ERC2: variants seen among roughly 807,000 people sequenced by gnomAD.
The protein encoded by ERC2 is ERC protein 2.
A neutral mutation model predicts 114.8 loss-of-function variants in ERC2; 42 were observed. The ratio of observed to expected loss-of-function variants is 0.37; its 90% CI spans 0.29 to 0.47. The LOEUF (loss-of-function observed/expected upper bound fraction) is 0.47. Among genes scored for constraint, ERC2 ranks in the 20% least tolerant of loss-of-function variants. The pLI, the probability that ERC2 is intolerant of heterozygous loss-of-function variation, is 0.99. For missense variants in ERC2, 939 were observed against 1,150.7 expected (o/e 0.82, Z 2.66); for synonymous variants, 454 against 425.5 (o/e 1.07, Z -0.82).
At chr3:55,583,443 C>CTTCCT (rs1559692630) in intron 17 of ERC2, among the ~76,000 whole-genome samples, 9 of 115,064 alleles carry the variant, frequency 7.8e-5, no homozygotes, top group East Asian at 2.4e-4. Context: ...TCCTTCCTTC[C>CTTCCT]TCCCTCCCTC....
intron 3 of ERC2, among the ~76,000 whole-genome samples, chr3:56,295,353 A>G (rs1287774978): frequency 6.6e-6 from 1 of 152,176 alleles, no homozygotes; most frequent in Non-Finnish European, 1.5e-5. Context: ...TCTAAGCTCT[A>G]CCCAACCACA....
At chr3:56,439,047 CATAG>C (rs1310870004) in intron 1 of ERC2, among the ~76,000 whole-genome samples, 2 of 152,174 alleles carry the variant, frequency 1.3e-5, no homozygotes, top group African/African-American at 4.8e-5. Flanking sequence ...ATGCTAGTAT[CATAG>C]ATAGATTGAG....
intron 17 of ERC2, among the ~76,000 whole-genome samples, chr3:55,558,438 C>A (rs2055773486): frequency 6.6e-6 from 1 of 152,202 alleles, no homozygotes; most frequent in Non-Finnish European, 1.5e-5. Flanking sequence ...TCAAAAGTTG[C>A]AAACATCTGT....
chr3:56,208,673 A>C (rs766062277), intron 3 of ERC2, among the ~76,000 whole-genome samples: 4 of 152,208 alleles, frequency 2.6e-5, no homozygotes, highest in Non-Finnish European at 2.9e-5. Context: ...GGGGCTGCTA[A>C]CTTCTCAGAA....
In ERC2 at chr3:55,583,497, TTCCCTCCCTCCC is replaced by T. The variant is rs1206804724; in HGVS notation, c.*40-72233_*40-72222del. On this transcript the variant is annotated intron_variant, in intron 17 of 17. Coordinates refer to ENST00000288221, the MANE Select transcript of ERC2 (RefSeq NM_015576.3). ...CTCCCTCCCCTCCATCCCTCTCTCCTTCCCTCCCTCCCTCCCTCCCTCCCTCCCTTCCTTCCT... is the reference window on the plus strand; with the variant it reads ...CTCCCTCCCCTCCATCCCTCTCTCCTTCCCTCCCTCCCTCCCTTCCTTCCT... 7.9e-3 allele frequency among the ~76,000 whole-genome samples: 114 copies of T among 14,412 alleles called. 12 individuals are homozygous for T. The highest frequency in any genetic ancestry group is 0.071 in the Middle Eastern group (2 of 28). 9.5% of individuals were successfully genotyped at this position (14,412 alleles called of 152,430 possible). A position where few individuals can be genotyped will look rare whatever the true frequency, so the allele number is the denominator to read the frequency against.
chr3:55,973,328 A>G (rs2034917), intron 12 of ERC2, among the ~76,000 whole-genome samples: 96,673 of 151,876 alleles, frequency 0.64, 31,398 homozygotes, highest in Middle Eastern at 0.68. Context: ...TCTTAGATAA[A>G]CAGGTGAACG....
intron 13 of ERC2, among the ~76,000 whole-genome samples, chr3:55,896,038 C>A (rs147742494): frequency 6.6e-6 from 1 of 152,114 alleles, no homozygotes; most frequent in Non-Finnish European, 1.5e-5. Flanking sequence ...TCAGGTTCTG[C>A]GCTGGTATAG....
chr3:56,284,236 G>T (rs1453472485), intron 3 of ERC2, among the ~76,000 whole-genome samples: 1 of 152,140 alleles, frequency 6.6e-6, no homozygotes, highest in East Asian at 1.9e-4. Context: ...TAGAGGACTT[G>T]GTCAAGTGGG....
intron 3 of ERC2, among the ~76,000 whole-genome samples, chr3:56,188,143 T>C (rs1466177): frequency 0.91 from 138,950 of 152,146 alleles, 63,953 homozygotes; most frequent in East Asian, 1. Context: ...AACTCTAAGG[T>C]TCCTCTGAAC....
intron 17 of ERC2, among the ~76,000 whole-genome samples, chr3:55,539,982 AAT>A (rs1267958378): frequency 6.7e-6 from 1 of 148,412 alleles, no homozygotes; most frequent in Non-Finnish European, 1.5e-5. Context: ...TGTTTATCAG[AAT>A]ATATTTGGGA....
rs186978877 is a variant in ERC2, at chr3:55,520,141, A to C, written c.*40-8865T>G. Among the ~76,000 whole-genome samples, 15 of 152,210 alleles carry C rather than the reference A, an allele frequency of 9.9e-5. No individual in the cohort carries two copies. In the South Asian group the frequency reaches 2.1e-3, roughly 21 times the overall value. On this transcript the variant is annotated intron_variant, in intron 17 of 17. Coordinates refer to ENST00000288221, the MANE Select transcript of ERC2 (RefSeq NM_015576.3). ...GAAAAGTTTACCGTACCCTTCACAAATGCCAAACAGGCTCAAGAAACAAAA... is the reference window on the plus strand; with the variant it reads ...GAAAAGTTTACCGTACCCTTCACAACTGCCAAACAGGCTCAAGAAACAAAA...
chr3:55,715,387 C>G (rs1399602472), intron 15 of ERC2, among the ~76,000 whole-genome samples: 1 of 152,070 alleles, frequency 6.6e-6, no homozygotes, highest in African/African-American at 2.4e-5. Context: ...TAGTATAGCT[C>G]TAAGTTCAGA....
At chr3:56,259,847 T>C (rs1166845848) in intron 3 of ERC2, among the ~76,000 whole-genome samples, 1 of 152,104 alleles carries the variant, frequency 6.6e-6, no homozygotes, top group Non-Finnish European at 1.5e-5. Flanking sequence ...GCCTCCCAGC[T>C]TTTGGCTGGA....
intron 14 of ERC2, among the ~76,000 whole-genome samples, chr3:55,764,289 C>T (rs2067633858): frequency 1.3e-5 from 2 of 152,216 alleles, no homozygotes; most frequent in Admixed American, 1.3e-4. Context: ...CATTTTTAAA[C>T]CATTTTCTTC....
chr3:55,858,471 A>T (rs1430446632), intron 14 of ERC2, among the ~76,000 whole-genome samples: 1 of 152,216 alleles, frequency 6.6e-6, no homozygotes, highest in East Asian at 1.9e-4. Context: ...CATGACTCTG[A>T]GCAAAAATAT....
intron 6 of ERC2, among the ~76,000 whole-genome samples, chr3:56,093,751 A>AT (rs1157552131): frequency 6.6e-6 from 1 of 152,198 alleles, no homozygotes; most frequent in Non-Finnish European, 1.5e-5. Context: ...TTTGTCACTA[A>AT]TTAAGTAAAG....
At chr3:56,122,434 G>A (rs1052930669) in intron 6 of ERC2, among the ~76,000 whole-genome samples, 10 of 151,972 alleles carry the variant, frequency 6.6e-5, no homozygotes, top group African/African-American at 1.4e-4. Flanking sequence ...ATTTATTCTC[G>A]GTTTAAAATT....
intron 14 of ERC2, among the ~76,000 whole-genome samples, chr3:55,878,843 C>T (rs2062983931): frequency 6.6e-6 from 1 of 152,192 alleles, no homozygotes; most frequent in African/African-American, 2.4e-5. Flanking sequence ...ATAGTACATT[C>T]CTCAAGGCAG....
intron 14 of ERC2, among the ~76,000 whole-genome samples, chr3:55,836,929 CAAAA>C (rs1227767278): frequency 9.2e-5 from 14 of 152,278 alleles, no homozygotes; most frequent in African/African-American, 2.9e-4. Context: ...ACAACCCCAT[CAAAA>C]AGTGGGCGAA....
Sources: gnomAD v4.1 joint callset for allele counts (sites outside exome capture counted in the v4.1 genomes callset) on GRCh38, gnomAD v4.1.1 for gene constraint, MANE v1.5 for transcripts, NCBI Gene and HGNC (gene_info 2026-07-23, HGNC 2026-07-21) for gene names.